The following ETFBKMT variants were observed in gnomAD, a reference collection of about 807,000 sequenced individuals.
ETFBKMT encodes the protein electron transfer flavoprotein subunit beta lysine methyltransferase, also known as electron transfer flavoprotein beta subunit lysine methyltransferase.
A neutral mutation model predicts 18.3 loss-of-function variants in ETFBKMT; 13 were observed. The ratio of observed to expected loss-of-function variants is 0.71; its 90% confidence interval spans 0.46 to 1.13. The LOEUF (loss-of-function observed/expected upper bound fraction) is 1.13. ETFBKMT is among the 50% of genes most tolerant of loss of function. The pLI is 0.00. For synonymous variants in ETFBKMT, 84 were observed against 107.9 expected (o/e 0.78, Z 1.37); for missense variants, 293 against 306.2 (o/e 0.96, Z 0.32).
intron 1 of ETFBKMT, among the ~76,000 whole-genome samples, chr12:31,652,149 C>T (rs1951023377): frequency 1.3e-5 from 2 of 152,180 alleles, no homozygotes; most frequent in Non-Finnish European, 2.9e-5. Flanking sequence ...GTAAATCAGA[C>T]ACCGTCTCCT....
At chr12:31,666,383 G>C (rs1357259442) in intron 3 of ETFBKMT, among the ~76,000 whole-genome samples, 166 bp downstream of exon 3, 1 of 152,166 alleles carries the variant, frequency 6.6e-6, no homozygotes, top group African/African-American at 2.4e-5. Flanking sequence ...CCTGAGGTCT[G>C]AGTAGATGGT....
chr12:31,659,216 C>T (rs991724463), upstream of ETFBKMT: 4 of 152,274 alleles, frequency 2.6e-5, no homozygotes, highest in African/African-American at 7.2e-5. Flanking sequence ...CGTCCCGCCC[C>T]CTGCCGGGCC....
At chr12:31,656,359 C>T (rs1442730161), upstream of ETFBKMT, among the ~76,000 whole-genome samples, 2 of 151,996 alleles carry the variant, frequency 1.3e-5, no homozygotes, top group Non-Finnish European at 2.9e-5. Flanking sequence ...GAACAAGGCG[C>T]TGTGGGAGGA....
At chr12:31,655,305 C>A (rs1307848915), upstream of ETFBKMT, among the ~76,000 whole-genome samples, 1 of 152,116 alleles carries the variant, frequency 6.6e-6, no homozygotes, top group Non-Finnish European at 1.5e-5. Context: ...TTAGCCAGAT[C>A]CCTACAAAAG....
chr12:31,658,249 G>A (rs1462223788), upstream of ETFBKMT, among the ~76,000 whole-genome samples: 1 of 152,180 alleles, frequency 6.6e-6, no homozygotes, highest in African/African-American at 2.4e-5. Flanking sequence ...GTAATGAAAA[G>A]TTATAGTTGA....
chr12:31,649,934 T>C (rs1449704067), intron 1 of ETFBKMT, among the ~76,000 whole-genome samples: 3 of 149,986 alleles, frequency 2.0e-5, no homozygotes, highest in East Asian at 2.0e-4. Flanking sequence ...TTTATGTATT[T>C]TTAGTAGAGG....
At chr12:31,647,876 A>T (rs1249120372) in intron 1 of ETFBKMT, among the ~76,000 whole-genome samples, 1 of 152,146 alleles carries the variant, frequency 6.6e-6, no homozygotes, top group Non-Finnish European at 1.5e-5. Context: ...ACAAGTGTTG[A>T]TAAGAATGTG....
chr12:31,660,155 C>G (rs1206290137), intron 1 of ETFBKMT: 1 of 101,412 alleles, frequency 9.9e-6, no homozygotes, highest in Non-Finnish European at 1.8e-5. Flanking sequence ...AACAGAGACT[C>G]TGTCTCAAAA....
Position 31,662,379 on chromosome 12 carries a change from T to C in ETFBKMT, c.314+112T>C, listed in dbSNP as rs1951136539. ...TAGGCGTGGTGGCTCATGCCTGTAG[T>C]CTCAGTACTTTGGGAGGCTGAGGCT... On this transcript the variant is annotated intron_variant, in intron 2 of 3. Transcript: ENST00000357721. The C allele has an allele frequency of 5.3e-6, 5 of 946,226 alleles. No individual in the cohort carries two copies. In the East Asian group the frequency reaches 1.3e-4, roughly 25 times the overall value. 58.6% of individuals were successfully genotyped at this position (946,226 alleles called of 1,614,324 possible).
Position 31,670,372 on chromosome 12 carries a change from C to G in ETFBKMT, c.*2382C>G, listed in dbSNP as rs373637459. 9.9e-5 allele frequency: 15 copies of G among 152,080 alleles called. No individual in the cohort carries two copies. The highest frequency in any genetic ancestry group is 3.1e-4 in the African/African-American group (13 of 41,426). The allele number at this position is 152,080 out of a possible 1,614,324, so 9.4% of individuals were successfully genotyped here. A position where few individuals can be genotyped will look rare whatever the true frequency, so the allele number is the denominator to read the frequency against. ...ACTTTTCAGTTTATTGAGCTTTTTT[C>G]TTATTGTGAGGATGGGAATGATGAC... On this transcript the variant is annotated 3_prime_UTR_variant, in exon 4 of 4. Transcript: ENST00000357721.
chr12:31,666,212 A>C lies in ETFBKMT; in HGVS notation c.440A>C (p.Asp147Ala). 1 of 1,606,276 alleles carries C rather than the reference A, an allele frequency of 6.2e-7. No individual in the cohort carries two copies. The change falls in exon 3 of 4, where the codon GAC becomes GCC. Residue 147 changes from aspartate to alanine, a missense_variant. Coordinates refer to ENST00000357721, the MANE Select transcript of ETFBKMT (RefSeq NM_001135863.2). ...TCAAGGATCTTGGCCAATGACATAG[A>C]CCCTAGTAAGGATTCATATTTTAAA... ...GASRILANDI[D>A]PIAGMAITLN... is the part of the protein sequence containing the mutation.
intron 1 of ETFBKMT, among the ~76,000 whole-genome samples, chr12:31,661,261 G>A (rs1172725469): frequency 1.3e-5 from 2 of 152,198 alleles, no homozygotes; most frequent in African/African-American, 2.4e-5. Flanking sequence ...AAGGATGACT[G>A]TATGGCTGAT....
At chr12:31,655,238 T>A (rs1951051780), upstream of ETFBKMT, among the ~76,000 whole-genome samples, 1 of 152,208 alleles carries the variant, frequency 6.6e-6, no homozygotes, top group Non-Finnish European at 1.5e-5. Flanking sequence ...AAACTCATTA[T>A]GCCAAAGGGA....
At chr12:31,648,527 AATTTTTAT>A (rs1950986870) in intron 1 of ETFBKMT, among the ~76,000 whole-genome samples, 1 of 142,290 alleles carries the variant, frequency 7.0e-6, no homozygotes, top group Non-Finnish European at 1.5e-5. Flanking sequence ...ATGCCCAGCT[AATTTTTAT>A]ATTTTTAGTA....
In ETFBKMT at chr12:31,668,036, G is replaced by T; in HGVS notation, c.*46G>T. 3 of 1,480,588 alleles carry T rather than the reference G, an allele frequency of 2.0e-6. No individual in the cohort carries two copies. The South Asian group carries it at 3.8e-5, about 19-fold the overall frequency. 91.7% of individuals were successfully genotyped at this position (1,480,588 alleles called of 1,614,324 possible). A position where few individuals can be genotyped will look rare whatever the true frequency, so the allele number is the denominator to read the frequency against. Reference sequence around the variant, plus strand: ...TATGAATATAGTAATGTTTGGATCTGACTCTAAAAGTTTTCTCTATAGGAG... The same window carrying T: ...TATGAATATAGTAATGTTTGGATCTTACTCTAAAAGTTTTCTCTATAGGAG... On this transcript the variant is annotated 3_prime_UTR_variant, in exon 4 of 4. Transcript: ENST00000357721.
chr12:31,650,626 C>CTTTTTTTTT (rs543201341), intron 1 of ETFBKMT, among the ~76,000 whole-genome samples: 12 of 140,708 alleles, frequency 8.5e-5, no homozygotes, highest in South Asian at 2.4e-4. Flanking sequence ...AATGACCTGA[C>CTTTTTTTTT]CTTTTTTTTT....
upstream of ETFBKMT, among the ~76,000 whole-genome samples, chr12:31,657,306 G>A (rs959309226): frequency 2.0e-5 from 3 of 152,210 alleles, no homozygotes; most frequent in Non-Finnish European, 4.4e-5. Context: ...CTGCTTGGAT[G>A]TATGTGGGTC....
In ETFBKMT at chr12:31,666,118, G is replaced by A. The variant is rs748183928; in HGVS notation, c.346G>A (p.Gly116Arg). 5 of 1,613,758 alleles carry A rather than the reference G, an allele frequency of 3.1e-6. No individual in the cohort carries two copies. Among genetic ancestry groups the A allele is most frequent in the Non-Finnish European group, 4.2e-6 (5 of 1,179,688 alleles). ...YLLDNPDVVR[G>R]KSVLDLGSGC... is the part of the protein sequence containing the mutation. Reference sequence around the variant, plus strand: ...TTTGGATAATCCTGATGTTGTCAGAGGAAAATCTGTATTAGATCTTGGGAG... The same window carrying A: ...TTTGGATAATCCTGATGTTGTCAGAAGAAAATCTGTATTAGATCTTGGGAG... The change falls in exon 3 of 4, where the codon GGA becomes AGA. Residue 116 changes from glycine to arginine, a missense_variant. Coordinates refer to ENST00000357721, the MANE Select transcript of ETFBKMT (RefSeq NM_001135863.2).
At chr12:31,648,693 C>T (rs979721491) in intron 1 of ETFBKMT, among the ~76,000 whole-genome samples, 2 of 151,664 alleles carry the variant, frequency 1.3e-5, no homozygotes, top group African/African-American at 2.4e-5. Flanking sequence ...TCCCAGGTAG[C>T]TGGGGCTACA....
Sources: allele counts gnomAD v4.1 joint callset (sites outside exome capture counted in the v4.1 genomes callset), GRCh38; gene constraint gnomAD v4.1.1; transcripts MANE v1.5; gene names NCBI Gene and HGNC (gene_info 2026-07-23, HGNC 2026-07-21).